PEX6: variants seen among roughly 807,000 people sequenced by gnomAD.
PEX6 encodes peroxisome biogenesis factor 6.
PEX6 carries 55 observed loss-of-function variants against 85.6 expected under a neutral mutation model. The ratio of observed to expected loss-of-function variants is 0.64; its 90% CI spans 0.52 to 0.80. The LOEUF is 0.80. Ranked by LOEUF, PEX6 falls within the 30% of genes least tolerant of loss-of-function variation. PEX6 has a pLI of 0.00. For synonymous variants in PEX6, 519 were observed against 549.1 expected (o/e 0.95, Z 0.77); for missense variants, 1,099 against 1,260.3 (o/e 0.87, Z 1.94).
At chr6:42,966,760 T>G in intron 9 of PEX6, 22 bp downstream of exon 9, 2 of 1,613,932 alleles carry the variant, frequency 1.2e-6, no homozygotes, top group Non-Finnish European at 1.7e-6. Flanking sequence ...TTTCCGCCTT[T>G]CCGGTGCCCA....
At position 42,971,092 on chromosome 6, in the gene PEX6, C is replaced by T. The variant is rs1770043814; in HGVS notation, c.1131-1105G>A. On this transcript the variant is annotated intron_variant, in intron 3 of 16. Transcript: ENST00000304611. This position sits in a 1 kb window ranked among gnomAD's most constrained non-coding sequence, Gnocchi z 4.4. ...TCCAATCAGGCTGCAAATTCCTCTG[C>T]TCACACTGCCCCACAGTCTCAAAGC... 6.6e-6 allele frequency among the ~76,000 whole-genome samples: 1 copy of T among 152,220 alleles called. No homozygotes were observed. Among genetic ancestry groups the T allele is most frequent in the South Asian group, 2.1e-4 (1 of 4,834 alleles).
At chr6:42,970,139 C>T in intron 3 of PEX6, 152 bp from the exon 4 acceptor site, 2 of 711,116 alleles carry the variant, frequency 2.8e-6, no homozygotes, top group Admixed American at 2.1e-5. Context: ...TGGACTTTCT[C>T]ATCTTCCTGA....
rs771484681 is a variant in PEX6, at chr6:42,974,868, A to G, written c.1046+7T>C. ...AGCTATCCTCCTTAAAAGGTTAGGT[A>G]GCTAACCTGGGTATCTGAAAGTGCC... On this transcript the variant is annotated splice_region_variant and intron_variant, in intron 2 of 16. Transcript: ENST00000304611. The G allele has an allele frequency of 1.2e-6, 2 of 1,613,308 alleles. No individual in the cohort carries two copies. The highest frequency in any genetic ancestry group is 2.2e-5 in the South Asian group (2 of 91,064).
At chr6:42,975,728 TGA>T (rs1770267053) in intron 1 of PEX6, among the ~76,000 whole-genome samples, 3 of 151,664 alleles carry the variant, frequency 2.0e-5, no homozygotes, top group Admixed American at 6.6e-5. Context: ...TTTTTTTTTT[TGA>T]GACTTAGTCT....
In PEX6 at chr6:42,974,980, C is replaced by T. The variant is rs746415021; in HGVS notation, c.941G>A (p.Gly314Glu). The T allele has an allele frequency of 6.2e-7, 1 of 1,613,722 alleles. No individual in the cohort carries two copies. The highest frequency in any genetic ancestry group is 8.5e-7 in the Non-Finnish European group (1 of 1,179,848). The change falls in exon 2 of 17, where the codon GGG (glycine) becomes GAG (glutamate). Residue 314 changes from glycine to glutamate, a missense_variant. Coordinates refer to ENST00000304611, the MANE Select transcript of PEX6 (RefSeq NM_000287.4). ...EDKGSCSLLP[G>E]PPFARELHIE... ...GTGTAACTCTCTGGCAAATGGAGGC[C>T]CAGGCAGCAATGAGCAGCTTCCTTT... is the stretch of plus-strand genomic sequence containing the variant.
chr6:42,972,928 G>A (rs1052960520), intron 3 of PEX6, among the ~76,000 whole-genome samples: 4 of 152,156 alleles, frequency 2.6e-5, no homozygotes, highest in Admixed American at 1.3e-4. Context: ...CAAATAACAC[G>A]AAGGCTAAGA....
rs991248029 is a variant in PEX6 at position 42,978,676 on chromosome 6, C to G, written c.475G>C (p.Glu159Gln). ...LGPGTRLAVTELRGRARLCPE... is the reference protein window; with the variant it reads ...LGPGTRLAVTQLRGRARLCPE... The stretch of plus-strand genomic sequence containing the variant: ...CACAGTCTGGCCCGCCCGCGGAGCT[C>G]AGTCACAGCCAGCCGAGTCCCTGGG... The change falls in exon 1 of 17, where the codon GAG (glutamate) becomes CAG (glutamine). Residue 159 changes from glutamate (E) to glutamine (Q), a missense_variant. This residue lies in a region of PEX6 where 579 missense variants were observed against 611.6 expected (regional missense o/e 0.95). Coordinates refer to ENST00000304611, the MANE Select transcript of PEX6 (RefSeq NM_000287.4). 6 of 1,556,884 alleles carry G rather than the reference C, an allele frequency of 3.9e-6. No homozygotes were observed. Among genetic ancestry groups the G allele is most frequent in the Non-Finnish European group, 5.2e-6 (6 of 1,158,758 alleles).
rs770055192 is a variant in PEX6 at position 42,969,721 on chromosome 6, C to CA, written c.1313dup (p.Glu439GlyfsTer6). ...CACAGAGTTCAGACACCAAGGCCTC[C>CA]AGGCCTGGAGGAGACAAACTGCTCC... On this transcript the variant is annotated frameshift_variant, in exon 5 of 17. Coordinates refer to ENST00000304611, the MANE Select transcript of PEX6 (RefSeq NM_000287.4). LOFTEE classifies it high-confidence loss of function. 6.2e-7 allele frequency: 1 copy of CA among 1,612,792 alleles called. No individual in the cohort carries two copies. Among genetic ancestry groups the CA allele is most frequent in the East Asian group, 2.2e-5 (1 of 44,882 alleles).
At position 42,978,622 on chromosome 6, in the gene PEX6, G is replaced by T; in HGVS notation, c.529C>A (p.Pro177Thr). 6.3e-7 allele frequency: 1 copy of T among 1,594,838 alleles called. No homozygotes were observed. Reference protein sequence around the residue: ...CPESGDSSRPPPPPVVSSFAV... With the variant: ...CPESGDSSRPTPPPVVSSFAV... ...AAGGAGGACACCACGGGCGGGGGTG[G>T]GGGCCGACTGCTGTCCCCAGACTCT... is the stretch of plus-strand genomic sequence containing the variant. Residue 177 changes from proline (P) to threonine (T), a missense_variant, in exon 1 of 17, where the codon CCA becomes ACA. By Grantham distance (38) the Pro-to-Thr change is conservative. This residue lies in a region of PEX6 where 579 missense variants were observed against 611.6 expected (regional missense o/e 0.95). Coordinates refer to ENST00000304611, the MANE Select transcript of PEX6 (RefSeq NM_000287.4).
chr6:42,968,565 G>C (rs935993029), intron 6 of PEX6, 67 bp from the exon 7 acceptor site: 5 of 1,390,082 alleles, frequency 3.6e-6, no homozygotes, highest in Non-Finnish European at 5.0e-6. Context: ...AGAATCAGGG[G>C]AGGAGGAGGT....
chr6:42,974,757 A>G, intron 2 of PEX6, 118 bp downstream of exon 2: 1 of 938,172 alleles, frequency 1.1e-6, no homozygotes. Flanking sequence ...CACAGCACCT[A>G]GCCGCAAATG....
In PEX6 at chr6:42,965,999, G is replaced by C; in HGVS notation, c.2362+45C>G. ...GTAGGGGGTGGCTTGGGGGCCATCG[G>C]GGTTTGGGAAGCATGGGACGCCCTG... On this transcript the variant is annotated intron_variant, in intron 12 of 16. Transcript: ENST00000304611. This position sits in a 1 kb window ranked among gnomAD's most constrained non-coding sequence, Gnocchi z 5.0. 1.9e-6 allele frequency: 3 copies of C among 1,600,594 alleles called. No homozygotes were observed. The Admixed American group carries it at 5.0e-5, about 27-fold the overall frequency.
At position 42,966,875 on chromosome 6, in the gene PEX6, A is replaced by G. The variant is rs1205830934; in HGVS notation, c.1885-17T>C. ...CACAAAGCCCTAGGGAACCACAGGA[A>G]AGGACACATGAGCAGGGCACAGTAG... On this transcript the variant is annotated splice_polypyrimidine_tract_variant and intron_variant, in intron 8 of 16. Transcript: ENST00000304611. The G allele has an allele frequency of 1.9e-6, 3 of 1,607,150 alleles. No individual in the cohort carries two copies. The Admixed American group carries it at 5.0e-5, about 27-fold the overall frequency.
intron 1 of PEX6, 119 bp downstream of exon 1, chr6:42,978,150 C>T (rs1770382912): frequency 1.6e-6 from 2 of 1,278,172 alleles, no homozygotes; most frequent in Non-Finnish European, 2.3e-6. Flanking sequence ...CGGCTAGAAA[C>T]ATTATGTTCA....
At chr6:42,973,854 AACCTGTTACAC>A (rs1770154988) in intron 3 of PEX6, 138 bp downstream of exon 3, 1 of 679,550 alleles carries the variant, frequency 1.5e-6, no homozygotes, top group Non-Finnish European at 2.7e-6. Flanking sequence ...ACAGAGCAAG[AACCTGTTACAC>A]ACACACACGC....
chr6:42,971,932 G>A lies in PEX6; in HGVS notation c.1131-1945C>T, dbSNP rs1324342623. Among the ~76,000 whole-genome samples the A allele has an allele frequency of 1.3e-5, 2 of 152,214 alleles. No homozygotes were observed. The highest frequency in any genetic ancestry group is 4.8e-5 in the African/African-American group (2 of 41,454). On this transcript the variant is annotated intron_variant, in intron 3 of 16. Transcript: ENST00000304611. This position sits in a 1 kb window ranked among gnomAD's most constrained non-coding sequence, Gnocchi z 4.4. ...AAATTTATGATAGGAGAGAGAGGTG[G>A]GAAGTGACTGCTAAGTGCCAGCCTG...
intron 2 of PEX6, among the ~76,000 whole-genome samples, chr6:42,974,343 G>A (rs1423349462): frequency 1.3e-5 from 2 of 151,224 alleles, no homozygotes; most frequent in Non-Finnish European, 2.9e-5. Flanking sequence ...AATCACAGGT[G>A]TCTCTGTTTG....
Position 42,974,428 on chromosome 6 carries a change from A to C in PEX6, c.1047-342T>G, listed in dbSNP as rs543483936. Among the ~76,000 whole-genome samples, 206 of 148,380 alleles carry C rather than the reference A, an allele frequency of 1.4e-3. 1 individual carries two copies. Among genetic ancestry groups the C allele is most frequent in the African/African-American group, 4.8e-3 (194 of 40,186 alleles). On this transcript the variant is annotated intron_variant, in intron 2 of 16. Transcript: ENST00000304611. ...TGATATACCAAGAGGCGCCTACCAC[A>C]ATCTGTCTGAAATGTTTTTTTTGTT...
chr6:42,977,209 C>A (rs1312891946), intron 1 of PEX6, among the ~76,000 whole-genome samples: 1 of 149,766 alleles, frequency 6.7e-6, no homozygotes, highest in Non-Finnish European at 1.5e-5. Context: ...ATTCAATAAA[C>A]TAATTAGATT....
Sources: allele counts gnomAD v4.1 joint callset (sites outside exome capture counted in the v4.1 genomes callset), GRCh38; gene constraint gnomAD v4.1.1; regional missense constraint gnomAD v4.1.1; non-coding constraint Gnocchi (gnomAD v3.1); transcripts MANE v1.5; gene names NCBI Gene and HGNC (gene_info 2026-07-23, HGNC 2026-07-21).